LPGAT1: variants seen among roughly 807,000 people sequenced by gnomAD.
The protein encoded by LPGAT1 is lysophosphatidylglycerol acyltransferase 1.
LPGAT1 carries 11 observed loss-of-function variants against 47.5 expected under a neutral mutation model. The ratio of observed to expected loss-of-function variants is 0.23; its 90% confidence interval spans 0.15 to 0.38. LPGAT1 has a LOEUF of 0.38. LPGAT1 is among the 10% of genes least tolerant of loss of function. LPGAT1 has a pLI of 1.00. For missense variants in LPGAT1, 293 were observed against 439.0 expected, an observed-to-expected ratio of 0.67 and a Z score of 2.97; for synonymous variants, 138 against 144.2, an observed-to-expected ratio of 0.96 and a Z score of 0.31.
chr1:211,816,048 TG>T (rs1660163950), intron 2 of LPGAT1, among the ~76,000 whole-genome samples: 1 of 152,144 alleles, frequency 6.6e-6, no homozygotes, highest in South Asian at 2.1e-4. Flanking sequence ...CCCAAAGTGC[TG>T]GGATTACAGG....
intron 2 of LPGAT1, 78 bp downstream of exon 2, chr1:211,828,981 C>A: frequency 6.9e-7 from 1 of 1,442,056 alleles, no homozygotes; most frequent in South Asian, 1.3e-5. Context: ...ATCCTCAACC[C>A]AAAGTGTAAT....
intron 6 of LPGAT1, among the ~76,000 whole-genome samples, chr1:211,776,052 CT>C (rs11458103): frequency 1.3e-4 from 19 of 148,572 alleles, no homozygotes; most frequent in East Asian, 9.8e-4. Flanking sequence ...TATGTTGGCT[CT>C]TTTTTTTTTC....
chr1:211,812,327 GA>G (rs1267163387), intron 2 of LPGAT1, among the ~76,000 whole-genome samples: 1 of 151,962 alleles, frequency 6.6e-6, no homozygotes, highest in African/African-American at 2.4e-5. Context: ...AAGGTTACAA[GA>G]AAAAAACATC....
intron 2 of LPGAT1, among the ~76,000 whole-genome samples, chr1:211,807,036 CA>C (rs1026199714): frequency 1.3e-5 from 2 of 151,960 alleles, no homozygotes; most frequent in African/African-American, 4.8e-5. Context: ...AAATGATTTA[CA>C]AAAAACGCCT....
intron 6 of LPGAT1, among the ~76,000 whole-genome samples, chr1:211,765,950 G>A (rs550065004): frequency 1.3e-5 from 2 of 152,212 alleles, no homozygotes; most frequent in Admixed American, 6.5e-5. Flanking sequence ...AATGTGGGAA[G>A]GCAACATTTA....
At chr1:211,771,963 G>A (rs1036971868) in intron 6 of LPGAT1, among the ~76,000 whole-genome samples, 2 of 152,008 alleles carry the variant, frequency 1.3e-5, no homozygotes, top group African/African-American at 4.8e-5. Context: ...GAGAAACCCT[G>A]TTTCACTATG....
At chr1:211,816,958 C>T (rs1198232627) in intron 2 of LPGAT1, among the ~76,000 whole-genome samples, 2 of 152,168 alleles carry the variant, frequency 1.3e-5, no homozygotes, top group South Asian at 4.1e-4. Flanking sequence ...ATATCTGAGG[C>T]TTAACACAGC....
chr1:211,789,849 G>A (rs773530891), intron 3 of LPGAT1, among the ~76,000 whole-genome samples: 4 of 125,508 alleles, frequency 3.2e-5, no homozygotes, highest in Non-Finnish European at 6.5e-5. Context: ...CCAGCCTGGC[G>A]ACAAAGCAAG....
chr1:211,772,730 G>A (rs1450179055), intron 6 of LPGAT1, among the ~76,000 whole-genome samples: 6 of 152,124 alleles, frequency 3.9e-5, no homozygotes, highest in Non-Finnish European at 8.8e-5. Flanking sequence ...CAATTGTCGA[G>A]GGGGTGTGAT....
intron 2 of LPGAT1, among the ~76,000 whole-genome samples, chr1:211,822,723 G>A (rs1416359382): frequency 2.0e-5 from 3 of 151,712 alleles, no homozygotes; most frequent in African/African-American, 7.3e-5. Context: ...CGTTGCAGTG[G>A]GCCAAGATCG....
intron 6 of LPGAT1, among the ~76,000 whole-genome samples, chr1:211,757,086 G>A (rs112783407): frequency 0.018 from 2,749 of 151,820 alleles, 88 homozygotes; most frequent in African/African-American, 0.061. Context: ...GTGAAACCTC[G>A]TCTCTACTAA....
At chr1:211,774,132 C>CTGTTTTTTTTTTT (rs1658289818) in intron 6 of LPGAT1, among the ~76,000 whole-genome samples, 1 of 66,820 alleles carries the variant, frequency 1.5e-5, no homozygotes, top group Admixed American at 2.7e-4. Flanking sequence ...TTTTAAAAGT[C>CTGTTTTTTTTTTT]TTTTTTTTTT....
At position 211,820,475 on chromosome 1, in the gene LPGAT1, C is replaced by T. The variant is rs11119815; in HGVS notation, c.238+8584G>A. The stretch of plus-strand genomic sequence containing the variant: ...AGAACAAGACCACAAACAAGAAATA[C>T]AAGAACTCAAGGGAGAAATGTCTAG... On this transcript the variant is annotated intron_variant, in intron 2 of 7. Coordinates refer to ENST00000366997, the MANE Select transcript of LPGAT1 (RefSeq NM_014873.3). Among the ~76,000 whole-genome samples, 53 of 148,216 alleles carry T rather than the reference C, an allele frequency of 3.6e-4. No homozygotes were observed. In the East Asian group the frequency reaches 9.2e-3, roughly 26 times the overall value.
intron 6 of LPGAT1, among the ~76,000 whole-genome samples, chr1:211,752,937 T>C (rs1397852097): frequency 1.3e-5 from 2 of 151,940 alleles, no homozygotes; most frequent in African/African-American, 2.4e-5. Context: ...TCTATCTTTG[T>C]AGTATGAAAG....
intron 2 of LPGAT1, among the ~76,000 whole-genome samples, chr1:211,818,578 GA>G (rs1246313711): frequency 3.3e-5 from 5 of 152,146 alleles, no homozygotes; most frequent in Non-Finnish European, 7.3e-5. Context: ...TGCAAACTCT[GA>G]AAAGAAACTC....
intron 4 of LPGAT1, among the ~76,000 whole-genome samples, chr1:211,784,370 G>C (rs1658762145): frequency 6.6e-6 from 1 of 151,746 alleles, no homozygotes; most frequent in Non-Finnish European, 1.5e-5. Flanking sequence ...CACATTTAGT[G>C]GTCCCAGCTA....
At chr1:211,801,568 C>A (rs12134302) in intron 2 of LPGAT1, among the ~76,000 whole-genome samples, 13,143 of 151,898 alleles carry the variant, frequency 0.087, 650 homozygotes, top group Admixed American at 0.15. Flanking sequence ...TTTAAAAGAA[C>A]TTAACTGGGC....
chr1:211,829,997 A>G (rs1660673708), intron 1 of LPGAT1: 4 of 985,904 alleles, frequency 4.1e-6, no homozygotes, highest in Non-Finnish European at 4.8e-6. Context: ...AAAGCCAGAA[A>G]GAGGTAAAAG....
At chr1:211,826,014 C>T (rs759955311) in intron 2 of LPGAT1, among the ~76,000 whole-genome samples, 19 of 152,056 alleles carry the variant, frequency 1.2e-4, no homozygotes, top group East Asian at 3.8e-4. Context: ...AGTAGCAAGC[C>T]GGGGATGAAC....
Sources: gnomAD v4.1 joint callset for allele counts (sites outside exome capture counted in the v4.1 genomes callset) on GRCh38, gnomAD v4.1.1 for gene constraint, MANE v1.5 for transcripts, NCBI Gene and HGNC (gene_info 2026-07-23, HGNC 2026-07-21) for gene names.